Variants in ENTREP2 observed in about 807,000 individuals in gnomAD.
ENTREP2 encodes the protein endosomal transmembrane epsin interactor 2, also known as protein ENTREP2.
the ENTREP2 span, among the ~76,000 whole-genome samples, chr15:29,449,905 G>A: frequency 8.5e-5 from 13 of 152,146 alleles, no homozygotes; most frequent in Middle Eastern, 3.4e-3. Context: ...CAAACTCACC[G>A]GTACCTGTTG....
the ENTREP2 span, among the ~76,000 whole-genome samples, chr15:29,222,959 A>C: frequency 2.6e-5 from 4 of 152,356 alleles, no homozygotes; most frequent in Non-Finnish European, 5.9e-5. Flanking sequence ...TACAGGAGAA[A>C]ACTGCTCATA....
the ENTREP2 span, among the ~76,000 whole-genome samples, chr15:29,199,203 TCAC>T: frequency 4.6e-5 from 7 of 152,174 alleles, no homozygotes; most frequent in Non-Finnish European, 8.8e-5. Context: ...ATTTACACAC[TCAC>T]CAGCACTGTT....
chr15:29,635,150 G>A, the ENTREP2 span, among the ~76,000 whole-genome samples: 1 of 152,158 alleles, frequency 6.6e-6, no homozygotes, highest in South Asian at 2.1e-4. Flanking sequence ...GCCTCCTTAG[G>A]GTTTTTATGG....
chr15:29,194,398 G>A, the ENTREP2 span, among the ~76,000 whole-genome samples: 3 of 152,164 alleles, frequency 2.0e-5, no homozygotes, highest in Non-Finnish European at 2.9e-5. Context: ...TGAGCCTCCT[G>A]CCACCAGTTT....
At chr15:29,538,677 C>T in the ENTREP2 span, among the ~76,000 whole-genome samples, 114 of 144,860 alleles carry the variant, frequency 7.9e-4, no homozygotes, top group Admixed American at 3.9e-3. Context: ...GGCGTGGTGG[C>T]GGGCGCCTGT....
the ENTREP2 span, among the ~76,000 whole-genome samples, chr15:29,294,231 GA>G: frequency 5.4e-4 from 82 of 152,346 alleles, no homozygotes; most frequent in African/African-American, 1.9e-3. Context: ...ACCAATCCTG[GA>G]AGCAGCGTTA....
chr15:29,342,850 T>G, the ENTREP2 span, among the ~76,000 whole-genome samples: 1 of 152,242 alleles, frequency 6.6e-6, no homozygotes, highest in Admixed American at 6.5e-5. Flanking sequence ...GCAGGAACTA[T>G]TCACGATCTG....
At chr15:29,596,371 G>A in the ENTREP2 span, among the ~76,000 whole-genome samples, 1 of 152,142 alleles carries the variant, frequency 6.6e-6, no homozygotes, top group Non-Finnish European at 1.5e-5. Context: ...CATGCCTGCA[G>A]TGAGGAGCCT....
chr15:29,123,274 A>G, the ENTREP2 span: 2 of 1,439,074 alleles, frequency 1.4e-6, no homozygotes, highest in Non-Finnish European at 1.8e-6. Context: ...GTCAGGCATG[A>G]TGGCTTCTGC....
the ENTREP2 span, among the ~76,000 whole-genome samples, chr15:29,294,968 C>G: frequency 6.6e-6 from 1 of 152,074 alleles, no homozygotes; most frequent in Non-Finnish European, 1.5e-5. Flanking sequence ...AGAAGGCTGT[C>G]GGTGCTGCAA....
At chr15:29,518,472 C>G in the ENTREP2 span, among the ~76,000 whole-genome samples, 1 of 152,154 alleles carries the variant, frequency 6.6e-6, no homozygotes, top group East Asian at 1.9e-4. Context: ...AATAAATGCA[C>G]CTCCTATAGA....
At chr15:29,634,601 A>C in the ENTREP2 span, among the ~76,000 whole-genome samples, 56 of 152,158 alleles carry the variant, frequency 3.7e-4, no homozygotes, top group African/African-American at 1.2e-3. Flanking sequence ...ATTCAGTTCC[A>C]ATACTGTCTA....
the ENTREP2 span, among the ~76,000 whole-genome samples, chr15:29,423,666 C>T: frequency 2.0e-5 from 3 of 151,312 alleles, no homozygotes; most frequent in East Asian, 5.8e-4. Flanking sequence ...GACGACGTGG[C>T]GGGCGCCTGT....
chr15:29,422,161 T>C, the ENTREP2 span, among the ~76,000 whole-genome samples: 1 of 151,886 alleles, frequency 6.6e-6, no homozygotes, highest in African/African-American at 2.4e-5. Flanking sequence ...TACCTGTTAC[T>C]CTGGAAGCTG....
chr15:29,639,926 G>A, the ENTREP2 span, among the ~76,000 whole-genome samples: 28 of 151,964 alleles, frequency 1.8e-4, no homozygotes, highest in African/African-American at 5.1e-4. Context: ...GCACCACCAC[G>A]CCCAGCTAAT....
chr15:29,657,475 TG>T, the ENTREP2 span, among the ~76,000 whole-genome samples: 19 of 3,800 alleles, frequency 5.0e-3, 1 homozygote, highest in African/African-American at 0.025. Flanking sequence ...CGCTGTCGGC[TG>T]GGGGGGCGGG....
At chr15:29,446,012 G>A in the ENTREP2 span, among the ~76,000 whole-genome samples, 1 of 152,178 alleles carries the variant, frequency 6.6e-6, no homozygotes, top group Non-Finnish European at 1.5e-5. Context: ...TATTGAGAGT[G>A]AGGGCTGGAA....
chr15:29,325,451 A>T, the ENTREP2 span, among the ~76,000 whole-genome samples: 1 of 152,190 alleles, frequency 6.6e-6, no homozygotes, highest in South Asian at 2.1e-4. Flanking sequence ...TAATCCATGG[A>T]CATTAAAATG....
At chr15:29,670,537 G>T in the ENTREP2 span, among the ~76,000 whole-genome samples, 1 of 152,218 alleles carries the variant, frequency 6.6e-6, no homozygotes, top group Non-Finnish European at 1.5e-5. Context: ...TGGGCTGGGG[G>T]TTACTCATTC....
Sources: allele counts gnomAD v4.1 joint callset (sites outside exome capture counted in the v4.1 genomes callset), GRCh38; gene constraint gnomAD v4.1.1; transcripts MANE v1.5; gene names NCBI Gene and HGNC (gene_info 2026-07-23, HGNC 2026-07-21).